The following TMEM185A variants were observed in gnomAD, a reference collection of about 807,000 sequenced individuals.
TMEM185A encodes the protein transmembrane protein 185A.
In TMEM185A, 9 loss-of-function variants were observed where a neutral mutation model predicts 25.0. The ratio of observed to expected loss-of-function variants is 0.36; its 90% CI spans 0.22 to 0.63. The LOEUF (loss-of-function observed/expected upper bound fraction) is 0.63. TMEM185A is among the 20% of genes least tolerant of loss of function. The pLI is 0.68. For synonymous variants in TMEM185A, 45 were observed against 93.5 expected, an observed-to-expected ratio of 0.48 and a Z score of 2.99; for missense variants, 103 against 237.4, an observed-to-expected ratio of 0.43 and a Z score of 3.72.
intron 4 of TMEM185A, among the ~76,000 whole-genome samples, chrX:149,603,418 C>T (rs1348653674): frequency 9.0e-6 from 1 of 111,076 alleles, no homozygotes; most frequent in Non-Finnish European, 1.9e-5. Flanking sequence ...TAAGCCACTG[C>T]GCCTGGCCAG....
intron 1 of TMEM185A, among the ~76,000 whole-genome samples, chrX:149,624,629 C>T (rs1030200227): frequency 2.7e-5 from 3 of 111,773 alleles, no homozygotes; most frequent in Non-Finnish European, 5.6e-5. Context: ...AGAATGGCTC[C>T]AAATGACAAC....
At chrX:149,613,227 T>G (rs782766393) in intron 1 of TMEM185A, among the ~76,000 whole-genome samples, 25 of 112,294 alleles carry the variant, frequency 2.2e-4, no homozygotes, top group South Asian at 1.5e-3. Context: ...AATAGGAAGA[T>G]TATACTGGAT....
At chrX:149,604,126 A>G (rs1247058536) in intron 3 of TMEM185A, 56 bp from the exon 4 acceptor site, 1 of 850,304 alleles carries the variant, frequency 1.2e-6, no homozygotes, top group East Asian at 3.1e-5. Context: ...TTAATACTGC[A>G]GTAATTTGGT....
At chrX:149,619,626 A>G (rs1162985964) in intron 1 of TMEM185A, among the ~76,000 whole-genome samples, 2 of 109,228 alleles carry the variant, frequency 1.8e-5, no homozygotes, top group Admixed American at 2.0e-4. Context: ...AGCATTAGGT[A>G]TATCTCCTAA....
chrX:149,609,181 T>C (rs2090068607), intron 2 of TMEM185A, among the ~76,000 whole-genome samples: 1 of 112,637 alleles, frequency 8.9e-6, no homozygotes, highest in Non-Finnish European at 1.9e-5. Flanking sequence ...CAAGAGTTAC[T>C]TCCAAGATTA....
At chrX:149,612,378 G>A (rs1220826049) in intron 1 of TMEM185A, among the ~76,000 whole-genome samples, 1 of 111,887 alleles carries the variant, frequency 8.9e-6, no homozygotes, top group African/African-American at 3.2e-5. Context: ...AATATAAATG[G>A]CCAACTGAAA....
chrX:149,627,390 G>A (rs2090169345), intron 1 of TMEM185A, among the ~76,000 whole-genome samples: 1 of 112,547 alleles, frequency 8.9e-6, no homozygotes, highest in Non-Finnish European at 1.9e-5. Flanking sequence ...TAAAGTTACA[G>A]GTTAACAGCA....
At chrX:149,612,005 GTGTA>G (rs1165023626) in intron 1 of TMEM185A, among the ~76,000 whole-genome samples, 6 of 112,489 alleles carry the variant, frequency 5.3e-5, no homozygotes, top group Middle Eastern at 4.6e-3. Context: ...GAACATTTTA[GTGTA>G]TGTATTATAC....
Position 149,598,711 on chromosome X carries a change from G to A in TMEM185A, c.809-456C>T, listed in dbSNP as rs1382655145. 8.1e-5 allele frequency among the ~76,000 whole-genome samples: 6 copies of A among 73,689 alleles called. 2 individuals are homozygous for A. The highest frequency in any genetic ancestry group is 1.4e-4 in the Non-Finnish European group (6 of 43,797). 64.0% of individuals were successfully genotyped at this position (73,689 alleles called of 115,157 possible). On this transcript the variant is annotated intron_variant, in intron 6 of 6. Transcript: ENST00000600449. ...CCAGGATAAACTCATGGATGACAGT[G>A]CCACCCAAGAACAAGATTTCTGTCA...
At chrX:149,612,653 C>T (rs782760467) in intron 1 of TMEM185A, among the ~76,000 whole-genome samples, 78 of 112,126 alleles carry the variant, frequency 7.0e-4, no homozygotes, top group South Asian at 3.3e-3. Context: ...TGACAAAAGG[C>T]GAGACGGGCT....
rs1303433480 is a variant in TMEM185A at position 149,597,221 on chromosome X, G to C, written c.*790C>G. On this transcript the variant is annotated 3_prime_UTR_variant, in exon 7 of 7. Transcript: ENST00000600449. Reference sequence around the variant, plus strand: ...GTCCCATGAAGGCGTGGCACCCCACGGGGGGGGGGGGAGTGTGCCACGGGC... The same window carrying C: ...GTCCCATGAAGGCGTGGCACCCCACCGGGGGGGGGGGAGTGTGCCACGGGC... 1 of 21,633 alleles carries C rather than the reference G, an allele frequency of 4.6e-5. No individual in the cohort carries two copies. The allele number at this position is 21,633 out of a possible 1,213,427, so 1.8% of individuals were successfully genotyped here.
chrX:149,623,605 A>G (rs1238859719), intron 1 of TMEM185A, among the ~76,000 whole-genome samples: 1 of 106,557 alleles, frequency 9.4e-6, no homozygotes, highest in Non-Finnish European at 1.9e-5. Flanking sequence ...ATGTTTAAGT[A>G]AAAGTAGAAA....
Position 149,597,223 on chromosome X carries a change from G to GC in TMEM185A, c.*787_*788insG, listed in dbSNP as rs1183052738. ...CCCATGAAGGCGTGGCACCCCACGG[G>GC]GGGGGGGGGAGTGTGCCACGGGCGT... On this transcript the variant is annotated 3_prime_UTR_variant, in exon 7 of 7. Transcript: ENST00000600449. 3.8e-5 allele frequency: 3 copies of GC among 78,615 alleles called. No individual in the cohort carries two copies. Among genetic ancestry groups the GC allele is most frequent in the African/African-American group, 9.0e-5 (2 of 22,120 alleles). 6.5% of individuals were successfully genotyped at this position (78,615 alleles called of 1,213,427 possible). A position where few individuals can be genotyped will look rare whatever the true frequency, so the allele number is the denominator to read the frequency against.
intron 1 of TMEM185A, among the ~76,000 whole-genome samples, chrX:149,613,298 GAA>G (rs2090093923): frequency 8.9e-6 from 1 of 112,318 alleles, no homozygotes; most frequent in Non-Finnish European, 1.9e-5. Context: ...GTAAGTCAGA[GAA>G]ATGTGGTGGA....
intron 2 of TMEM185A, among the ~76,000 whole-genome samples, chrX:149,610,428 C>CAAAAAAA (rs374846385): frequency 3.8e-5 from 1 of 26,597 alleles, no homozygotes. Flanking sequence ...AACTCTGTCT[C>CAAAAAAA]AAAAAAAAAA....
At chrX:149,624,427 G>A (rs1242470846) in intron 1 of TMEM185A, among the ~76,000 whole-genome samples, 1 of 112,495 alleles carries the variant, frequency 8.9e-6, no homozygotes. Context: ...AAAAGTTCTA[G>A]TATCTGTTTT....
At chrX:149,611,503 A>G in intron 1 of TMEM185A, 40 bp from the exon 2 acceptor site, 2 of 1,130,179 alleles carry the variant, frequency 1.8e-6, no homozygotes, top group South Asian at 4.2e-5. Context: ...ATTCACTTTT[A>G]CAAATATGTG....
chrX:149,618,003 G>A (rs112397852), intron 1 of TMEM185A, among the ~76,000 whole-genome samples: 3,741 of 111,463 alleles, frequency 0.034, 156 homozygotes, highest in African/African-American at 0.11. Flanking sequence ...AGATCAGTGC[G>A]GTTACAGATA....
chrX:149,624,989 G>A (rs1290552165), intron 1 of TMEM185A, among the ~76,000 whole-genome samples: 1 of 112,252 alleles, frequency 8.9e-6, no homozygotes, highest in African/African-American at 3.2e-5. Flanking sequence ...AGCTTTAGCA[G>A]TATTATGAAA....
Sources: allele counts gnomAD v4.1 joint callset (sites outside exome capture counted in the v4.1 genomes callset), GRCh38; gene constraint gnomAD v4.1.1; transcripts MANE v1.5; gene names NCBI Gene and HGNC (gene_info 2026-07-23, HGNC 2026-07-21).